GPR143: variants seen among roughly 807,000 people sequenced by gnomAD.
GPR143 encodes G protein-coupled receptor 143.
GPR143 carries 8 observed loss-of-function variants against 27.6 expected under a neutral mutation model. The observed-to-expected ratio is 0.29, with a 90% confidence interval of 0.17 to 0.52. The LOEUF (loss-of-function observed/expected upper bound fraction) is 0.52, where lower values mean the gene tolerates loss of function less well. Ranked by LOEUF, GPR143 falls within the 20% of genes least tolerant of loss-of-function variation. The probability of loss-of-function intolerance (pLI) is 0.96; values close to 1 mark genes in which losing one functional copy is unlikely to be tolerated. For synonymous variants in GPR143, 156 were observed against 153.2 expected (o/e 1.02, Z -0.13); for missense variants, 303 against 343.1 (o/e 0.88, Z 0.92).
At chrX:9,745,655 T>A (rs778522673) in intron 5 of GPR143, among the ~76,000 whole-genome samples, 1 of 112,035 alleles carries the variant, frequency 8.9e-6, no homozygotes, top group Non-Finnish European at 1.9e-5. Flanking sequence ...ATCAGCCAAG[T>A]GCATTATGGG....
Position 9,741,505 on chromosome X carries a change from G to A in GPR143, c.768-50C>T, listed in dbSNP as rs150203847. The A allele has an allele frequency of 2.1e-3, 1,249 of 608,626 alleles. 3 individuals are homozygous for A. The African/African-American group carries it at 0.024, about 12-fold the overall frequency. 50.2% of individuals were successfully genotyped at this position (608,626 alleles called of 1,213,427 possible). A position where few individuals can be genotyped will look rare whatever the true frequency, so the allele number is the denominator to read the frequency against. Reference sequence around the variant, plus strand: ...GTAAAGAGAACATGCAATGAAACTCGTTTTTAAATGCTGGAGAGTCAGAGA... The same window carrying A: ...GTAAAGAGAACATGCAATGAAACTCATTTTTAAATGCTGGAGAGTCAGAGA... On this transcript the variant is annotated intron_variant, in intron 6 of 8. Coordinates refer to ENST00000467482, the MANE Select transcript of GPR143 (RefSeq NM_000273.3).
chrX:9,739,468 G>C lies in GPR143; in HGVS notation c.1120+17C>G. ...TGGGACCCCGAAGTCTACCTGCTGT[G>C]GCAGACAGGGCATTACCTTCAGACA... On this transcript the variant is annotated intron_variant, in intron 8 of 8. Transcript: ENST00000467482. 1.8e-6 allele frequency: 2 copies of C among 1,121,884 alleles called. No individual in the cohort carries two copies. Among genetic ancestry groups the C allele is most frequent in the Non-Finnish European group, 2.5e-6 (2 of 816,249 alleles). The allele number at this position is 1,121,884 out of a possible 1,213,427, so 92.5% of individuals were successfully genotyped here. A position where few individuals can be genotyped will look rare whatever the true frequency, so the allele number is the denominator to read the frequency against.
intron 1 of GPR143, among the ~76,000 whole-genome samples, chrX:9,776,535 G>T (rs1160844409): frequency 1.0e-5 from 1 of 96,863 alleles, no homozygotes; most frequent in Non-Finnish European, 2.0e-5. Flanking sequence ...ACAGGCACAT[G>T]AAACCATGCC....
intron 1 of GPR143, among the ~76,000 whole-genome samples, chrX:9,764,927 G>A (rs1280142239): frequency 9.2e-6 from 1 of 108,765 alleles, no homozygotes; most frequent in Non-Finnish European, 1.9e-5. Context: ...GGGAGGCTGA[G>A]GCAAGAGAAT....
At chrX:9,753,606 T>C (rs1569121925) in intron 3 of GPR143, among the ~76,000 whole-genome samples, 1 of 111,040 alleles carries the variant, frequency 9.0e-6, no homozygotes, top group African/African-American at 3.3e-5. Flanking sequence ...GCAGCAAACC[T>C]GAACCTGAGG....
In GPR143 at chrX:9,771,338, G is replaced by C. The variant is rs7060380; in HGVS notation, c.-2-10512C>G. 4.7e-3 allele frequency among the ~76,000 whole-genome samples: 521 copies of C among 111,642 alleles called. 5 individuals carry two copies. Among genetic ancestry groups the C allele is most frequent in the African/African-American group, 0.016 (477 of 30,722 alleles). On this transcript the variant is annotated intron_variant, in intron 1 of 7. Transcript: ENST00000447366. ...GGCCTCCCAGAGTGCCGAAATTACA[G>C]GCCTGAGTCACCTCACCCAGACCAA...
At chrX:9,735,210 C>A (rs1025055600) in intron 8 of GPR143, among the ~76,000 whole-genome samples, 2 of 112,126 alleles carry the variant, frequency 1.8e-5, no homozygotes, top group Non-Finnish European at 3.8e-5. Context: ...GTCCTACAAG[C>A]AAATTGCAGT....
chrX:9,778,097 A>AT (rs2083576638), intron 1 of GPR143, among the ~76,000 whole-genome samples: 1 of 109,706 alleles, frequency 9.1e-6, no homozygotes, highest in Non-Finnish European at 1.9e-5. Flanking sequence ...TCTCAAAAAA[A>AT]AAAGGAAAAA....
chrX:9,742,903 T>A (rs1483943614), intron 6 of GPR143, among the ~76,000 whole-genome samples: 10 of 111,051 alleles, frequency 9.0e-5, no homozygotes, highest in Non-Finnish European at 1.9e-4. Flanking sequence ...GGTCAGGAGT[T>A]TGAGACCAGC....
upstream of GPR143, among the ~76,000 whole-genome samples, chrX:9,766,432 A>T (rs1035991584): frequency 1.8e-5 from 2 of 112,088 alleles, no homozygotes; most frequent in African/African-American, 6.5e-5. Context: ...TGAAACAAAC[A>T]GATCAATGTT....
chrX:9,749,259 C>T (rs1390965638), intron 3 of GPR143, among the ~76,000 whole-genome samples: 2 of 100,831 alleles, frequency 2.0e-5, no homozygotes, highest in African/African-American at 3.6e-5. Flanking sequence ...CCCAATCGCT[C>T]GGCTGCCTTG....
chrX:9,776,549 CTT>C (rs145411367), intron 1 of GPR143, among the ~76,000 whole-genome samples: 1 of 71,601 alleles, frequency 1.4e-5, no homozygotes, highest in Non-Finnish European at 2.5e-5. Context: ...CCATGCCTAG[CTT>C]TTTTTTTTTT....
rs1222803898 is a variant in GPR143 at position 9,760,742 on chromosome X, G to A, written c.335C>T (p.Pro112Leu). 1 of 1,190,874 alleles carries A rather than the reference G, an allele frequency of 8.4e-7. No homozygotes were observed. Among genetic ancestry groups the A allele is most frequent in the East Asian group, 3.0e-5 (1 of 33,661 alleles). Reference sequence around the variant, plus strand: ...CGCACTCCCCACGCAGAAAGCAGCAGGCCAAATTTCCGTGTGGTTCATATC... The same window carrying A: ...CGCACTCCCCACGCAGAAAGCAGCAAGCCAAATTTCCGTGTGGTTCATATC... ...VSDMNHTEIW[P>L]AAFCVGSAMW... The change falls in exon 2 of 9, where the codon CCT becomes CTT. Residue 112 changes from proline (P) to leucine (L), a missense_variant. Transcript: ENST00000467482.
intron 1 of GPR143, among the ~76,000 whole-genome samples, chrX:9,763,761 A>G (rs1315612532): frequency 8.9e-6 from 1 of 112,333 alleles, no homozygotes; most frequent in East Asian, 2.8e-4. Flanking sequence ...AGAGGTCTGT[A>G]TAAAGTGTCA....
chrX:9,734,361 A>T (rs775982250), intron 8 of GPR143, among the ~76,000 whole-genome samples: 1 of 111,327 alleles, frequency 9.0e-6, no homozygotes, highest in African/African-American at 3.3e-5. Context: ...AGAGACAGAG[A>T]ATTATGGGAG....
intron 3 of GPR143, among the ~76,000 whole-genome samples, chrX:9,749,226 TCC>T (rs1315734826): frequency 1.4e-5 from 1 of 73,092 alleles, no homozygotes; most frequent in African/African-American, 5.5e-5. Flanking sequence ...GGGATTTCCC[TCC>T]CCCCCCAACC....
intron 3 of GPR143, among the ~76,000 whole-genome samples, chrX:9,749,114 C>T (rs920443587): frequency 4.5e-5 from 5 of 111,760 alleles, no homozygotes; most frequent in East Asian, 2.8e-4. Context: ...GGTTGGAGGA[C>T]GGAAATGACC....
In GPR143 at chrX:9,741,371, G is replaced by A; in HGVS notation, c.852C>T (p.Val284=). ...TDINGGSLKP[V]RTAAKTTWFI... ...ACCATGTGGTCTTGGCTGCAGTTCT[G>A]ACAGGTTTCAAAGAACCTCCATTGA... is the stretch of plus-strand genomic sequence containing the variant. Residue 284 remains valine (V), a synonymous_variant, in exon 7 of 9, where the codon GTC becomes GTT. Transcript: ENST00000467482. 9.0e-7 allele frequency: 1 copy of A among 1,113,671 alleles called. No homozygotes were observed. The highest frequency in any genetic ancestry group is 2.2e-5 in the Admixed American group (1 of 45,563). The allele number at this position is 1,113,671 out of a possible 1,213,427, so 91.8% of individuals were successfully genotyped here.
chrX:9,765,617 C>G lies in GPR143; in HGVS notation c.201G>C (p.Ser67=). The G allele has an allele frequency of 4.0e-6, 4 of 1,001,364 alleles. No individual in the cohort carries two copies. Among genetic ancestry groups the G allele is most frequent in the Non-Finnish European group, 5.0e-6 (4 of 794,722 alleles). 82.5% of individuals were successfully genotyped at this position (1,001,364 alleles called of 1,213,427 possible). ...PGSPATSPPA[S]VRILRAAAAC... Reference sequence around the variant, plus strand: ...CAGCGGCAGCGCGCAGGATGCGGACCGAGGCCGGCGGGGACGTCGCGGGGG... The same window carrying G: ...CAGCGGCAGCGCGCAGGATGCGGACGGAGGCCGGCGGGGACGTCGCGGGGG... The change falls in exon 1 of 9, where the codon TCG becomes TCC. Residue 67 remains serine (S), a synonymous_variant. Transcript: ENST00000467482.
Sources: gnomAD v4.1 joint callset for allele counts (sites outside exome capture counted in the v4.1 genomes callset) on GRCh38, gnomAD v4.1.1 for gene constraint, MANE v1.5 for transcripts, NCBI Gene and HGNC (gene_info 2026-07-23, HGNC 2026-07-21) for gene names.